RDH13: variants seen among roughly 807,000 people sequenced by gnomAD.
RDH13 encodes the protein retinol dehydrogenase 13 (all-trans and 9-cis).
A neutral mutation model predicts 28.3 loss-of-function variants in RDH13; 35 were observed. That is an observed-to-expected ratio of 1.24 (90% CI 0.95 to 1.64). RDH13 has a LOEUF of 1.64. RDH13 is among the 40% of genes most tolerant of loss of function. RDH13 has a pLI of 0.00. For synonymous variants in RDH13, 229 were observed against 198.5 expected (o/e 1.15, Z -1.29); for missense variants, 514 against 446.3 (o/e 1.15, Z -1.37).
chr19:55,055,621 CTTGAGCCCAGGAGTTG>C (rs2075605955), intron 3 of RDH13, among the ~76,000 whole-genome samples: 2 of 151,312 alleles, frequency 1.3e-5, no homozygotes, highest in African/African-American at 2.4e-5. Flanking sequence ...GGGTGGATCA[CTTGAGCCCAGGAGTTG>C]GAGACCAGCC....
chr19:55,048,117 A>G, intron 5 of RDH13: 1 of 1,528,888 alleles, frequency 6.5e-7, no homozygotes, highest in Non-Finnish European at 8.7e-7. Context: ...GGCAGACTAG[A>G]CCACCTGGGA....
At chr19:55,040,629 T>G (rs927513356), downstream of RDH13, 108 of 152,280 alleles carry the variant, frequency 7.1e-4, no homozygotes, top group African/African-American at 2.4e-3. Flanking sequence ...TTATCCATTA[T>G]AAATGCTTTA....
At chr19:55,043,343 C>T (rs1654440), downstream of RDH13, 124,676 of 152,190 alleles carry the variant, frequency 0.82, 51,437 homozygotes, top group East Asian at 0.98. Context: ...TGAGCTGTGA[C>T]GGCACTGCAC....
upstream of RDH13, among the ~76,000 whole-genome samples, chr19:55,064,580 G>A (rs1215852078): frequency 6.6e-6 from 1 of 151,868 alleles, no homozygotes. Flanking sequence ...AGATGAGATT[G>A]GGAAGTCACA....
At chr19:55,062,180 C>T (rs138985902) in intron 1 of RDH13, among the ~76,000 whole-genome samples, 1 of 151,608 alleles carries the variant, frequency 6.6e-6, no homozygotes, top group East Asian at 2.0e-4. Context: ...GAGGTAATGT[C>T]GTCACACCTT....
At chr19:55,061,057 C>G (rs988296024) in intron 1 of RDH13, among the ~76,000 whole-genome samples, 4 of 152,104 alleles carry the variant, frequency 2.6e-5, no homozygotes, top group African/African-American at 9.7e-5. Context: ...CCGCCACATT[C>G]CTCCACTCTT....
chr19:55,053,882 G>GGT (rs2075544758), intron 3 of RDH13: 7 of 152,256 alleles, frequency 4.6e-5, no homozygotes, highest in Admixed American at 2.0e-4. Flanking sequence ...TGTGCATGAA[G>GGT]GTGACAGTGC....
chr19:55,057,355 T>C (rs1024684352), intron 2 of RDH13, among the ~76,000 whole-genome samples: 1 of 151,986 alleles, frequency 6.6e-6, no homozygotes, highest in African/African-American at 2.4e-5. Context: ...TAAACATCAC[T>C]GAATTGGTCG....
chr19:55,047,793 A>G (rs189510098), intron 5 of RDH13, among the ~76,000 whole-genome samples: 169 of 152,306 alleles, frequency 1.1e-3, no homozygotes, highest in African/African-American at 3.8e-3. Flanking sequence ...ACCAGCTCCC[A>G]GTGGGGCTGG....
At chr19:55,054,496 G>C (rs1252937963) in intron 3 of RDH13, among the ~76,000 whole-genome samples, 1 of 152,162 alleles carries the variant, frequency 6.6e-6, no homozygotes, top group African/African-American at 2.4e-5. Context: ...TGAGGCAGGA[G>C]AATCGCTTGA....
intron 1 of RDH13, among the ~76,000 whole-genome samples, chr19:55,061,074 G>A (rs758324124): frequency 9.9e-5 from 15 of 151,964 alleles, no homozygotes; most frequent in Non-Finnish European, 1.5e-4. Flanking sequence ...TCTTGGCCCC[G>A]CCTCCATCTT....
In RDH13 at chr19:55,062,997, G is replaced by A. The variant is rs769131699; in HGVS notation, c.36C>T (p.Gly12=). The change falls in exon 1 of 7, where the codon GGC becomes GGT. Residue 12 remains glycine (G), a synonymous_variant. Coordinates refer to ENST00000415061, the MANE Select transcript of RDH13 (RefSeq NM_001145971.2). ...SRYLLPLSAL[G]TVAGAAVLLK... is the part of the protein sequence containing the mutation. The stretch of plus-strand genomic sequence containing the variant: ...GCAGCACGGCGGCGCCTGCTACCGT[G>A]CCCAGCGCCGACAGCGGCAGCAGGT... 3 of 1,471,816 alleles carry A rather than the reference G, an allele frequency of 2.0e-6. No individual in the cohort carries two copies. The highest frequency in any genetic ancestry group is 5.8e-5 in the East Asian group (2 of 34,702). 91.2% of individuals were successfully genotyped at this position (1,471,816 alleles called of 1,614,324 possible). A position where few individuals can be genotyped will look rare whatever the true frequency, so the allele number is the denominator to read the frequency against.
chr19:55,045,025 T>A lies in RDH13; in HGVS notation c.*49A>T. The A allele has an allele frequency of 7.2e-7, 1 of 1,380,088 alleles. No homozygotes were observed. Among genetic ancestry groups the A allele is most frequent in the Non-Finnish European group, 1.0e-6 (1 of 1,001,500 alleles). The allele number at this position is 1,380,088 out of a possible 1,614,324, so 85.5% of individuals were successfully genotyped here. A position where few individuals can be genotyped will look rare whatever the true frequency, so the allele number is the denominator to read the frequency against. On this transcript the variant is annotated 3_prime_UTR_variant, in exon 7 of 7. Coordinates refer to ENST00000415061, the MANE Select transcript of RDH13 (RefSeq NM_001145971.2). ...GGAAGCTGCGGGCATGGCGGACAGC[T>A]GTCCTCGGTCTGGAGGCGCCATCCT... is the stretch of plus-strand genomic sequence containing the variant.
intron 3 of RDH13, among the ~76,000 whole-genome samples, chr19:55,054,255 TTGACTC>T (rs1245637764): frequency 2.6e-5 from 4 of 152,132 alleles, no homozygotes; most frequent in African/African-American, 7.2e-5. Context: ...GCGGGGCACA[TTGACTC>T]TGAAGAAGAA....
chr19:55,059,343 G>A lies in RDH13; in HGVS notation c.66-68C>T, dbSNP rs1281197183. On this transcript the variant is annotated intron_variant, in intron 1 of 6. Coordinates refer to ENST00000415061, the MANE Select transcript of RDH13 (RefSeq NM_001145971.2). ...TCACCCCACGTGCCCCTGACTGAAT[G>A]ATCTCAGGCAACCTTGTCTGAGCTC... 4.9e-6 allele frequency: 5 copies of A among 1,021,122 alleles called. No homozygotes were observed. In the African/African-American group the frequency reaches 7.9e-5, roughly 16 times the overall value. The allele number at this position is 1,021,122 out of a possible 1,614,324, so 63.3% of individuals were successfully genotyped here. A position where few individuals can be genotyped will look rare whatever the true frequency, so the allele number is the denominator to read the frequency against.
At chr19:55,049,689 TGAGGC>T (rs1392126917) in intron 3 of RDH13, among the ~76,000 whole-genome samples, 1 of 151,096 alleles carries the variant, frequency 6.6e-6, no homozygotes, top group African/African-American at 2.4e-5. Context: ...CTCAGGAGGC[TGAGGC>T]GGGAAAATCG....
At chr19:55,055,782 G>A (rs576367195) in intron 3 of RDH13, among the ~76,000 whole-genome samples, 2 of 152,250 alleles carry the variant, frequency 1.3e-5, no homozygotes, top group African/African-American at 4.8e-5. Flanking sequence ...GAGCCCAGCA[G>A]GTTGAGACTG....
intron 3 of RDH13, chr19:55,054,007 A>G (rs1294429741): frequency 1.3e-5 from 2 of 152,138 alleles, no homozygotes; most frequent in Non-Finnish European, 2.9e-5. Flanking sequence ...CCTACCCGAC[A>G]ACAGTGCCGG....
chr19:55,067,091 T>C (rs888708003), upstream of RDH13: 2 of 152,186 alleles, frequency 1.3e-5, no homozygotes, highest in African/African-American at 4.8e-5. Context: ...TGTAGGTTTA[T>C]TTTATTTTAT....
Sources: gnomAD v4.1 joint callset for allele counts (sites outside exome capture counted in the v4.1 genomes callset) on GRCh38, gnomAD v4.1.1 for gene constraint, MANE v1.5 for transcripts, NCBI Gene and HGNC (gene_info 2026-07-23, HGNC 2026-07-21) for gene names.